The following MSH4 variants were observed in gnomAD, a reference collection of about 807,000 sequenced individuals.
MSH4 encodes mutS homolog 4.
Under a neutral mutation model 113.7 loss-of-function variants are expected in MSH4, and 106 were observed. The observed-to-expected ratio is 0.93, with a 90% CI of 0.80 to 1.10. MSH4 has a LOEUF of 1.10. Among genes scored for constraint, MSH4 ranks in the 50% least tolerant of loss-of-function variants. The pLI is 0.00. For missense variants in MSH4, 1,061 were observed against 1,093.7 expected (o/e 0.97, Z 0.42); for synonymous variants, 368 against 380.2 (o/e 0.97, Z 0.37).
chr1:75,839,764 A>C (rs1362239575), intron 7 of MSH4, among the ~76,000 whole-genome samples: 18 of 147,384 alleles, frequency 1.2e-4, no homozygotes, highest in Non-Finnish European at 2.7e-4. Context: ...TTTGCAACCT[A>C]CTCATCTGAC....
intron 7 of MSH4, among the ~76,000 whole-genome samples, chr1:75,833,358 G>A (rs1408000334): frequency 2.0e-5 from 3 of 152,154 alleles, no homozygotes; most frequent in African/African-American, 7.2e-5. Context: ...TTGCCATACT[G>A]CCCAAGGTAT....
rs746524452 is a variant in MSH4 at position 75,912,888 on chromosome 1, T to C, written c.*1T>C. The C allele has an allele frequency of 2.5e-5, 38 of 1,499,360 alleles. No individual in the cohort carries two copies. Among genetic ancestry groups the C allele is most frequent in the Non-Finnish European group, 3.2e-5 (36 of 1,122,200 alleles). The allele number at this position is 1,499,360 out of a possible 1,614,324, so 92.9% of individuals were successfully genotyped here. A position where few individuals can be genotyped will look rare whatever the true frequency, so the allele number is the denominator to read the frequency against. On this transcript the variant is annotated 3_prime_UTR_variant, in exon 20 of 20. Coordinates refer to ENST00000263187, the MANE Select transcript of MSH4 (RefSeq NM_002440.4). ...AGTTCCAGAAAAGACTGAAGAATAA[T>C]CACAATTCTAATGTAATAATATATC... is the stretch of plus-strand genomic sequence containing the variant.
intron 17 of MSH4, among the ~76,000 whole-genome samples, chr1:75,895,125 A>C (rs1652342660): frequency 6.6e-6 from 1 of 151,712 alleles, no homozygotes. Context: ...TTTGACCTGG[A>C]AGTTGAGACT....
At chr1:75,865,044 C>T (rs1333501417) in intron 8 of MSH4, among the ~76,000 whole-genome samples, 2 of 152,028 alleles carry the variant, frequency 1.3e-5, no homozygotes, top group East Asian at 1.9e-4. Context: ...TTACTCTATT[C>T]CATCTCTCAG....
chr1:75,867,393 G>T, intron 8 of MSH4, 121 bp from the exon 9 acceptor site: 1 of 626,286 alleles, frequency 1.6e-6, no homozygotes, highest in Non-Finnish European at 2.8e-6. Flanking sequence ...CTTGCATTGC[G>T]GCTAGGCTGA....
intron 9 of MSH4, among the ~76,000 whole-genome samples, chr1:75,876,689 G>A (rs1651823878): frequency 6.6e-6 from 1 of 151,878 alleles, no homozygotes; most frequent in African/African-American, 2.4e-5. Context: ...TTAGTAGAGA[G>A]GCAAGAAAAA....
chr1:75,798,574 T>TTTTTTTTATTTTTTTTCTTTTTCCCA (rs1649868873), intron 1 of MSH4, among the ~76,000 whole-genome samples: 1 of 151,338 alleles, frequency 6.6e-6, no homozygotes. Flanking sequence ...TTTTTTTTTT[T>TTTTTTTTATTTTTTTTCTTTTTCCCA]GAGACAGAGT....
chr1:75,856,451 C>T (rs989675512), intron 8 of MSH4, among the ~76,000 whole-genome samples: 4 of 152,162 alleles, frequency 2.6e-5, no homozygotes, highest in Non-Finnish European at 5.9e-5. Flanking sequence ...CCTCCACCCC[C>T]GACAGGCCCC....
intron 5 of MSH4, among the ~76,000 whole-genome samples, chr1:75,816,103 A>G (rs953278189): frequency 3.9e-5 from 6 of 152,198 alleles, no homozygotes; most frequent in Non-Finnish European, 8.8e-5. Context: ...CTTTGATTGA[A>G]TGTTACCTCC....
rs541781615 is a variant in MSH4, at chr1:75,831,398, A to T, written c.1162+8817A>T. On this transcript the variant is annotated intron_variant, in intron 7 of 19. Coordinates refer to ENST00000263187, the MANE Select transcript of MSH4 (RefSeq NM_002440.4). ...AGATCGAGACACAAACTTAACAAGG[A>T]TATCCAGGAATTGAACTCAGCTCTG... 3.9e-5 allele frequency among the ~76,000 whole-genome samples: 6 copies of T among 152,310 alleles called. No individual in the cohort carries two copies. The South Asian group carries it at 1.2e-3, about 32-fold the overall frequency.
At chr1:75,899,405 C>T (rs1213765650) in intron 18 of MSH4, among the ~76,000 whole-genome samples, 1 of 151,902 alleles carries the variant, frequency 6.6e-6, no homozygotes, top group African/African-American at 2.4e-5. Flanking sequence ...TCTAATTTGC[C>T]CTATGTGTCT....
chr1:75,798,880 C>A (rs150611847), intron 1 of MSH4, among the ~76,000 whole-genome samples: 43 of 152,194 alleles, frequency 2.8e-4, no homozygotes, highest in African/African-American at 1.0e-3. Flanking sequence ...AGTGTTCTTC[C>A]ATCCTTGTAG....
chr1:75,807,204 G>A (rs1223464684), intron 3 of MSH4, 63 bp downstream of exon 3: 3 of 1,302,444 alleles, frequency 2.3e-6, no homozygotes, highest in African/African-American at 3.1e-5. Flanking sequence ...TTTAAAGTCA[G>A]TGCCTTCCCA....
intron 17 of MSH4, 124 bp downstream of exon 17, chr1:75,890,948 C>A: frequency 3.5e-6 from 3 of 867,990 alleles, no homozygotes; most frequent in Non-Finnish European, 5.0e-6. Flanking sequence ...CACATATCAT[C>A]GCATTTATAT....
At chr1:75,901,241 G>T (rs752326990) in intron 19 of MSH4, among the ~76,000 whole-genome samples, 4 of 151,938 alleles carry the variant, frequency 2.6e-5, no homozygotes, top group Admixed American at 6.6e-5. Context: ...CTGAACTATC[G>T]TACACTAGAC....
At chr1:75,905,127 G>T (rs1449939018) in intron 19 of MSH4, among the ~76,000 whole-genome samples, 1 of 146,642 alleles carries the variant, frequency 6.8e-6, no homozygotes, top group East Asian at 2.0e-4. Flanking sequence ...GCTTTGAGAA[G>T]TACCACGTTA....
intron 8 of MSH4, among the ~76,000 whole-genome samples, chr1:75,862,836 A>G (rs1651487707): frequency 6.6e-6 from 1 of 152,156 alleles, no homozygotes; most frequent in South Asian, 2.1e-4. Flanking sequence ...GCCTAAGATG[A>G]GTTCTTATTC....
At chr1:75,890,904 C>T (rs1423455047) in intron 17 of MSH4, 80 bp downstream of exon 17, 1 of 1,215,910 alleles carries the variant, frequency 8.2e-7, no homozygotes, top group African/African-American at 1.6e-5. Flanking sequence ...TATGGACACC[C>T]ACAAATAGCT....
chr1:75,815,232 G>C (rs1456996344), intron 5 of MSH4, 96 bp downstream of exon 5: 1 of 646,968 alleles, frequency 1.5e-6, no homozygotes, highest in Non-Finnish European at 2.5e-6. Flanking sequence ...AATCTCCAGT[G>C]TGAGTTCCAC....
Sources: gnomAD v4.1 joint callset for allele counts (sites outside exome capture counted in the v4.1 genomes callset) on GRCh38, gnomAD v4.1.1 for gene constraint, MANE v1.5 for transcripts, NCBI Gene and HGNC (gene_info 2026-07-23, HGNC 2026-07-21) for gene names.